RFESD: variants seen among roughly 807,000 people sequenced by gnomAD.
RFESD encodes the protein Rieske domain-containing protein.
In RFESD, 16 loss-of-function variants were observed where a neutral mutation model predicts 24.4. That is an observed-to-expected ratio of 0.66 (90% CI 0.44 to 1.00). The LOEUF is 1.00. RFESD is among the 50% of genes least tolerant of loss of function. The pLI is 0.00. For synonymous variants in RFESD, 59 were observed against 81.8 expected (o/e 0.72, Z 1.50); for missense variants, 208 against 247.0 (o/e 0.84, Z 1.06).
At chr5:95,654,479 C>T in intron 5 of RFESD, 112 bp downstream of exon 5, 1 of 734,992 alleles carries the variant, frequency 1.4e-6, no homozygotes, top group Non-Finnish European at 2.2e-6. Context: ...TCCAAGTATT[C>T]TGGGAATTCA....
At chr5:95,651,376 C>A (rs573951279) in intron 1 of RFESD, among the ~76,000 whole-genome samples, 5 of 152,216 alleles carry the variant, frequency 3.3e-5, no homozygotes, top group African/African-American at 1.2e-4. Flanking sequence ...ATATCTTGAG[C>A]ATTCCACAGC....
chr5:95,652,994 C>G, intron 2 of RFESD, 123 bp from the exon 3 acceptor site: 1 of 1,334,402 alleles, frequency 7.5e-7, no homozygotes, highest in Non-Finnish European at 1.0e-6. Flanking sequence ...AAAATCCATA[C>G]ACAGCACTGC....
chr5:95,649,591 A>G (rs750464723), intron 1 of RFESD, among the ~76,000 whole-genome samples: 1 of 152,198 alleles, frequency 6.6e-6, no homozygotes, highest in Non-Finnish European at 1.5e-5. Flanking sequence ...GCAGTTCCAT[A>G]TTTTCACTAA....
chr5:95,653,031 A>G (rs886976285), intron 2 of RFESD, 86 bp from the exon 3 acceptor site: 45 of 1,523,566 alleles, frequency 3.0e-5, no homozygotes, highest in Non-Finnish European at 3.5e-5. Flanking sequence ...CTGTTTACCA[A>G]TCTTGCATAT....
chr5:95,653,176 C>G lies in RFESD; in HGVS notation c.120C>G (p.Phe40Leu). The G allele has an allele frequency of 6.4e-7, 1 of 1,551,710 alleles. No homozygotes were observed. The highest frequency in any genetic ancestry group is 8.7e-7 in the Non-Finnish European group (1 of 1,146,994). ...TAGTTCATTTGCATTTTGGGCATTTCAGCTCAGCTGTCATCTCAGTGACCA... is the reference window on the plus strand; with the variant it reads ...TAGTTCATTTGCATTTTGGGCATTTGAGCTCAGCTGTCATCTCAGTGACCA... ...ACLVHLHFGHFSSAVISVTSF... is the reference protein window; with the variant it reads ...ACLVHLHFGHLSSAVISVTSF... Residue 40 changes from phenylalanine (F) to leucine (L), a missense_variant, in exon 3 of 6, where the codon TTC becomes TTG. Transcript: ENST00000380005.
intron 1 of RFESD, among the ~76,000 whole-genome samples, chr5:95,651,185 G>A (rs1484431910): frequency 6.6e-6 from 1 of 151,424 alleles, no homozygotes; most frequent in Non-Finnish European, 1.5e-5. Flanking sequence ...TTACAATGCA[G>A]ATTCCTTTTG....
chr5:95,656,405 T>TAGGCCA lies in RFESD; in HGVS notation c.*100_*101insCAAGGC. 1 of 907,258 alleles carries TAGGCCA rather than the reference T, an allele frequency of 1.1e-6. No homozygotes were observed. Among genetic ancestry groups the TAGGCCA allele is most frequent in the Non-Finnish European group, 1.7e-6 (1 of 600,894 alleles). 56.2% of individuals were successfully genotyped at this position (907,258 alleles called of 1,614,324 possible). A position where few individuals can be genotyped will look rare whatever the true frequency, so the allele number is the denominator to read the frequency against. On this transcript the variant is annotated 3_prime_UTR_variant, in exon 6 of 6. Coordinates refer to ENST00000380005, the MANE Select transcript of RFESD (RefSeq NM_001131066.2). ...TTAAAGGTGATGAAATTTTTCAACA[T>TAGGCCA]AGGCACAACTGTTTAAAATTCACAT...
chr5:95,650,923 C>T (rs909904404), intron 1 of RFESD, among the ~76,000 whole-genome samples: 4 of 151,896 alleles, frequency 2.6e-5, no homozygotes, highest in African/African-American at 9.7e-5. Flanking sequence ...ATGGTGAAAC[C>T]CCATCTCTAC....
chr5:95,656,269 A>G lies in RFESD; in HGVS notation c.593A>G (p.Tyr198Cys), dbSNP rs774240868. The change falls in exon 6 of 6, where the codon TAT (tyrosine) becomes TGT (cysteine). Residue 198 changes from tyrosine to cysteine, a missense_variant. Tyr to Cys is a radical substitution (Grantham distance 194). Coordinates refer to ENST00000380005, the MANE Select transcript of RFESD (RefSeq NM_001131066.2). ...CCTTTTAAGTGTGACTCTGATTTTT[A>G]TGCCACTGGAGACTTCAAAGTAATT... ...NEPFKCDSDFYATGDFKVIKS... is the reference protein window; with the variant it reads ...NEPFKCDSDFCATGDFKVIKS... 1.9e-6 allele frequency: 3 copies of G among 1,613,190 alleles called. No homozygotes were observed. The highest frequency in any genetic ancestry group is 2.2e-5 in the East Asian group (1 of 44,864).
At chr5:95,653,796 G>T (rs891794704) in intron 3 of RFESD, among the ~76,000 whole-genome samples, 1 of 152,132 alleles carries the variant, frequency 6.6e-6, no homozygotes, top group Non-Finnish European at 1.5e-5. Flanking sequence ...TACTCGGGAG[G>T]CCAAGGCAGG....
rs1217143991 is a variant in RFESD, at chr5:95,656,493, T to C, written c.*184T>C. ...ATGTAAGGATTATCATCAGGATCAA[T>C]AGAATACATTTTATCGAATCTTCTG... On this transcript the variant is annotated 3_prime_UTR_variant, in exon 6 of 6. Coordinates refer to ENST00000380005, the MANE Select transcript of RFESD (RefSeq NM_001131066.2). 1.9e-6 allele frequency: 1 copy of C among 540,448 alleles called. No individual in the cohort carries two copies. The highest frequency in any genetic ancestry group is 3.2e-6 in the Non-Finnish European group (1 of 308,638). The allele number at this position is 540,448 out of a possible 1,614,324, so 33.5% of individuals were successfully genotyped here. A position where few individuals can be genotyped will look rare whatever the true frequency, so the allele number is the denominator to read the frequency against.
Position 95,652,303 on chromosome 5 carries a change from C to A in RFESD, c.32C>A (p.Pro11His), listed in dbSNP as rs762366191. 12 of 1,550,552 alleles carry A rather than the reference C, an allele frequency of 7.7e-6. No individual in the cohort carries two copies. In the South Asian group the frequency reaches 1.4e-4, roughly 18 times the overall value. ...AAGTGTTTCAGGAATTGTCTTAGAC[C>A]TTCTTCCTTATCTACACTTCCTCTC... is the stretch of plus-strand genomic sequence containing the variant. MLKCFRNCLR[P>H]SSLSTLPLQY... is the part of the protein sequence containing the mutation. The change falls in exon 2 of 6, where the codon CCT (proline) becomes CAT (histidine). Residue 11 changes from proline to histidine, a missense_variant. Coordinates refer to ENST00000380005, the MANE Select transcript of RFESD (RefSeq NM_001131066.2).
intron 1 of RFESD, among the ~76,000 whole-genome samples, chr5:95,648,598 A>G (rs775745538): frequency 1.3e-5 from 2 of 152,214 alleles, no homozygotes; most frequent in Admixed American, 6.5e-5. Context: ...AGAGGAAACT[A>G]TTATTTGACA....
rs1201295932 is a variant in RFESD at position 95,656,641 on chromosome 5, T to A, written c.*332T>A. On this transcript the variant is annotated 3_prime_UTR_variant, in exon 6 of 6. Transcript: ENST00000380005. ...ATTAGTAAGAAAAAATTTTTTAATT[T>A]AAAAAATTTAATTTTTAAAATAGGA... The A allele has an allele frequency of 1.2e-5, 2 of 164,068 alleles. No individual in the cohort carries two copies. Among genetic ancestry groups the A allele is most frequent in the East Asian group, 3.4e-4 (2 of 5,826 alleles). The allele number at this position is 164,068 out of a possible 1,614,324, so 10.2% of individuals were successfully genotyped here.
At chr5:95,652,759 A>G (rs1442777557) in intron 2 of RFESD, 3 of 268,094 alleles carry the variant, frequency 1.1e-5, no homozygotes, top group African/African-American at 4.4e-5. Flanking sequence ...ATATAATTGT[A>G]GCTACTACTG....
At chr5:95,652,470 T>A in intron 2 of RFESD, 139 bp downstream of exon 2, 1 of 1,061,078 alleles carries the variant, frequency 9.4e-7, no homozygotes, top group Non-Finnish European at 1.3e-6. Flanking sequence ...TCAATATGTG[T>A]AAAATATATA....
chr5:95,650,463 A>G (rs1419903296), intron 1 of RFESD, among the ~76,000 whole-genome samples: 2 of 152,180 alleles, frequency 1.3e-5, no homozygotes, highest in Admixed American at 6.5e-5. Context: ...TGTCTTCCAC[A>G]TGGCTCAGAA....
intron 2 of RFESD, chr5:95,652,593 CTTTA>C (rs1293957583): frequency 5.5e-6 from 2 of 360,596 alleles, no homozygotes; most frequent in Non-Finnish European, 9.8e-6. Flanking sequence ...TGGGAGTCAT[CTTTA>C]TTTATTTTTC....
At chr5:95,652,045 G>A (rs759410647) in intron 1 of RFESD, 92 bp from the exon 2 acceptor site, 29 of 407,854 alleles carry the variant, frequency 7.1e-5, no homozygotes, top group Non-Finnish European at 1.1e-4. Context: ...TAAGAACCTC[G>A]AGTTTTCTTC....
Sources: gnomAD v4.1 joint callset for allele counts (sites outside exome capture counted in the v4.1 genomes callset) on GRCh38, gnomAD v4.1.1 for gene constraint, MANE v1.5 for transcripts, NCBI Gene and HGNC (gene_info 2026-07-23, HGNC 2026-07-21) for gene names.